Variants in TEX9 observed in about 807,000 individuals in gnomAD.
TEX9 encodes the protein testis-expressed protein 9.
Under a neutral mutation model 59.6 loss-of-function variants are expected in TEX9, and 74 were observed. That is an observed-to-expected ratio of 1.24 (90% CI 1.03 to 1.51). The LOEUF (loss-of-function observed/expected upper bound fraction) is 1.51, where lower values mean the gene tolerates loss of function less well. Among genes scored for constraint, TEX9 ranks in the 40% most tolerant of loss-of-function variants. The pLI, the probability that TEX9 is intolerant of heterozygous loss-of-function variation, is 0.00. For synonymous variants in TEX9, 186 were observed against 152.2 expected, an observed-to-expected ratio of 1.22 and a Z score of -1.64; for missense variants, 522 against 447.8, an observed-to-expected ratio of 1.17 and a Z score of -1.49.
At chr15:56,431,094 C>A (rs1433406705) in intron 12 of TEX9, among the ~76,000 whole-genome samples, 4 of 152,124 alleles carry the variant, frequency 2.6e-5, no homozygotes, top group Non-Finnish European at 4.4e-5. Flanking sequence ...GCAGAGGTTG[C>A]AGTAAGCTGA....
chr15:56,359,280 G>A (rs1389285113), intron 1 of TEX9, among the ~76,000 whole-genome samples: 3 of 151,996 alleles, frequency 2.0e-5, no homozygotes, highest in African/African-American at 7.3e-5. Context: ...ATAAAGTTGT[G>A]CAATGATTTA....
chr15:56,408,336 A>G (rs1347739043), intron 9 of TEX9: 3 of 152,228 alleles, frequency 2.0e-5, no homozygotes, highest in Non-Finnish European at 4.4e-5. Flanking sequence ...AATATTTGAA[A>G]TAGTTGATTA....
chr15:56,370,025 A>G (rs1039590911), intron 2 of TEX9, among the ~76,000 whole-genome samples: 60 of 152,200 alleles, frequency 3.9e-4, no homozygotes, highest in African/African-American at 1.4e-3. Flanking sequence ...TTTATCAGTA[A>G]GAGCATTCTT....
At chr15:56,246,033 T>C (rs750086469) in intron 1 of TEX9, among the ~76,000 whole-genome samples, 4 of 152,060 alleles carry the variant, frequency 2.6e-5, no homozygotes, top group Non-Finnish European at 4.4e-5. Context: ...GGGTAACGTA[T>C]CTAAGGTCTG....
chr15:56,348,860 C>A (rs1472336642), intron 1 of TEX9, among the ~76,000 whole-genome samples: 1 of 152,036 alleles, frequency 6.6e-6, no homozygotes, highest in Non-Finnish European at 1.5e-5. Context: ...TACAATAACT[C>A]ATATGTTACA....
downstream of TEX9, among the ~76,000 whole-genome samples, chr15:56,448,751 CTT>C (rs34366643): frequency 3.7e-4 from 44 of 117,660 alleles, no homozygotes; most frequent in Admixed American, 4.5e-4. Context: ...TTTTTAGATT[CTT>C]TTTTTTTTTT....
At chr15:56,349,514 A>T (rs998052423) in intron 1 of TEX9, among the ~76,000 whole-genome samples, 12 of 152,124 alleles carry the variant, frequency 7.9e-5, no homozygotes, top group African/African-American at 2.9e-4. Flanking sequence ...TGGGTTTTCT[A>T]TGAGTATTTT....
intron 9 of TEX9, chr15:56,398,026 G>C (rs1284762357): frequency 6.6e-6 from 1 of 152,090 alleles, no homozygotes; most frequent in Non-Finnish European, 1.5e-5. Context: ...TTTTATTGCT[G>C]AGTAGTGTAA....
At position 56,315,659 on chromosome 15, in the gene TEX9, G is replaced by A. The variant is rs1168423741; in HGVS notation, c.-106-57782G>A. Among the ~76,000 whole-genome samples the A allele has an allele frequency of 5.5e-5, 8 of 144,492 alleles. 1 individual carries two copies. Among genetic ancestry groups the A allele is most frequent in the African/African-American group, 7.4e-5 (3 of 40,348 alleles). 94.8% of individuals were successfully genotyped at this position (144,492 alleles called of 152,430 possible). A position where few individuals can be genotyped will look rare whatever the true frequency, so the allele number is the denominator to read the frequency against. ...GTTGCTCTTCTCGAGGAGTATCTTT[G>A]TGGCGTTCTCTGTATTTCCTGAATC... On this transcript the variant is annotated intron_variant, in intron 1 of 5. Coordinates refer to the TEX9 transcript ENST00000560827.
At chr15:56,299,605 C>G (rs1285123155) in intron 1 of TEX9, among the ~76,000 whole-genome samples, 1 of 152,140 alleles carries the variant, frequency 6.6e-6, no homozygotes, top group African/African-American at 2.4e-5. Flanking sequence ...GGTAGCTCAG[C>G]TCGAAGCTCC....
chr15:56,259,856 A>G lies in TEX9; in HGVS notation c.-107+15578A>G, dbSNP rs1393275340. Among the ~76,000 whole-genome samples, 4 of 152,050 alleles carry G rather than the reference A, an allele frequency of 2.6e-5. No homozygotes were observed. The East Asian group carries it at 7.7e-4, about 29-fold the overall frequency. On this transcript the variant is annotated intron_variant, in intron 1 of 5. Coordinates refer to the TEX9 transcript ENST00000560827. ...TTTTAAATTATAAAATTAATTTATG[A>G]TATGAAGTCTCCAAATCCATGAACA... is the stretch of plus-strand genomic sequence containing the variant.
intron 9 of TEX9, among the ~76,000 whole-genome samples, chr15:56,400,433 G>GA (rs1410373569): frequency 5.3e-5 from 8 of 152,090 alleles, no homozygotes; most frequent in Non-Finnish European, 1.2e-4. Flanking sequence ...CAAGTTTACA[G>GA]AAAAAAGAGT....
intron 9 of TEX9, chr15:56,410,144 A>G (rs1173402698): frequency 6.6e-6 from 1 of 152,182 alleles, no homozygotes; most frequent in African/African-American, 2.4e-5. Context: ...CAGATATGGA[A>G]ATGAGTCTAC....
At chr15:56,440,915 A>G (rs1241362208) in intron 12 of TEX9, among the ~76,000 whole-genome samples, 1 of 152,080 alleles carries the variant, frequency 6.6e-6, no homozygotes, top group Non-Finnish European at 1.5e-5. Context: ...GGTTATTTCT[A>G]CTTTTAGACT....
At chr15:56,334,998 A>G (rs1284806747) in intron 1 of TEX9, among the ~76,000 whole-genome samples, 3 of 152,164 alleles carry the variant, frequency 2.0e-5, no homozygotes, top group South Asian at 4.1e-4. Flanking sequence ...AAGACAGACA[A>G]TAACAAATAC....
At chr15:56,260,228 C>T (rs1025050821) in intron 1 of TEX9, among the ~76,000 whole-genome samples, 1 of 152,076 alleles carries the variant, frequency 6.6e-6, no homozygotes, top group African/African-American at 2.4e-5. Context: ...GCTCTTCTTT[C>T]ATGCCTTGTG....
At chr15:56,358,934 A>G (rs1342931717) in intron 1 of TEX9, among the ~76,000 whole-genome samples, 2 of 152,030 alleles carry the variant, frequency 1.3e-5, no homozygotes, top group African/African-American at 2.4e-5. Flanking sequence ...TCCTTCCGCC[A>G]TGATTGTTAA....
intron 1 of TEX9, among the ~76,000 whole-genome samples, chr15:56,245,061 GTTTCT>G (rs2043815648): frequency 6.6e-6 from 1 of 152,056 alleles, no homozygotes; most frequent in Non-Finnish European, 1.5e-5. Context: ...TGTCTATCAG[GTTTCT>G]ACCTGTTAGA....
At position 56,389,440 on chromosome 15, in the gene TEX9, T is replaced by G. The variant is rs1335090656; in HGVS notation, c.395+40T>G. 4 of 1,430,308 alleles carry G rather than the reference T, an allele frequency of 2.8e-6. No homozygotes were observed. The Admixed American group carries it at 7.5e-5, about 27-fold the overall frequency. The allele number at this position is 1,430,308 out of a possible 1,614,324, so 88.6% of individuals were successfully genotyped here. On this transcript the variant is annotated intron_variant, in intron 6 of 12. Coordinates refer to ENST00000352903, the Ensembl canonical transcript of TEX9. ...TCAAAGTATTTCTTTTTTTTTAGTT[T>G]TGTAATTCACAATACCATCATTCTT...
Sources: gnomAD v4.1 joint callset for allele counts (sites outside exome capture counted in the v4.1 genomes callset) on GRCh38, gnomAD v4.1.1 for gene constraint, MANE v1.5 for transcripts, NCBI Gene and HGNC (gene_info 2026-07-23, HGNC 2026-07-21) for gene names.